The following FARP2 variants were observed in gnomAD, a reference collection of about 807,000 sequenced individuals.
FARP2 encodes the protein FERM, ARH/RhoGEF and pleckstrin domain protein 2.
In FARP2, 111 loss-of-function variants were observed where a neutral mutation model predicts 130.5. That is an observed-to-expected ratio of 0.85 (90% CI 0.73 to 1.00). The LOEUF (loss-of-function observed/expected upper bound fraction) is 1.00, where lower values mean the gene tolerates loss of function less well. FARP2 is among the 50% of genes least tolerant of loss of function. The pLI is 0.00. For synonymous variants in FARP2, 504 were observed against 516.9 expected (o/e 0.98, Z 0.34); for missense variants, 1,385 against 1,346.3 (o/e 1.03, Z -0.45).
At chr2:241,394,474 C>A (rs11690426) in intron 2 of FARP2, among the ~76,000 whole-genome samples, 56,957 of 149,604 alleles carry the variant, frequency 0.38, 11,449 homozygotes, top group Middle Eastern at 0.62. Context: ...GCCGAGATCG[C>A]GCCACTGCAC....
intron 13 of FARP2, among the ~76,000 whole-genome samples, chr2:241,450,795 C>T (rs1473971764): frequency 6.6e-6 from 1 of 152,046 alleles, no homozygotes; most frequent in Admixed American, 6.6e-5. Context: ...ACTAAAAATA[C>T]AAAACAATTA....
intron 8 of FARP2, among the ~76,000 whole-genome samples, chr2:241,418,449 C>A (rs1019214697): frequency 1.3e-5 from 2 of 152,116 alleles, no homozygotes; most frequent in South Asian, 2.1e-4. Flanking sequence ...CGGCCTACCC[C>A]CTTAGGATCC....
rs375868524 is a variant in FARP2 at position 241,465,557 on chromosome 2, T to C, written c.1893+1577T>C. ...GCACTGGGGGAAGTGAGATTTCTCT[T>C]CAATAGGAGCAACGGTACAGGTGTT... On this transcript the variant is annotated intron_variant, in intron 17 of 26. Transcript: ENST00000264042. The C allele has an allele frequency of 3.6e-4, 555 of 1,550,552 alleles. 4 individuals are homozygous for C. The South Asian group carries it at 6.2e-3, about 17-fold the overall frequency.
chr2:241,380,672 T>C (rs944089843), intron 2 of FARP2, among the ~76,000 whole-genome samples: 1 of 147,120 alleles, frequency 6.8e-6, no homozygotes, highest in Admixed American at 6.8e-5. Flanking sequence ...GATTTCAGAT[T>C]ATTATATTAT....
chr2:241,491,315 C>T (rs1026737119), intron 23 of FARP2, 136 bp downstream of exon 23: 35 of 851,034 alleles, frequency 4.1e-5, no homozygotes, highest in Admixed American at 2.1e-4. Flanking sequence ...TTCCAGGCTA[C>T]GCCTCATGCC....
chr2:241,487,921 G>T (rs899360087), intron 21 of FARP2, among the ~76,000 whole-genome samples: 4 of 151,414 alleles, frequency 2.6e-5, no homozygotes, highest in Admixed American at 6.6e-5. Flanking sequence ...CTAATTTTTT[G>T]TATTTTTTAG....
chr2:241,492,966 A>G lies in FARP2; in HGVS notation c.2825A>G (p.Asn942Ser). The change falls in exon 25 of 27, where the codon AAC (asparagine) becomes AGC (serine). Residue 942 changes from asparagine (N) to serine (S), a missense_variant. Physicochemically the swap from Asn to Ser is conservative, Grantham distance 46. Transcript: ENST00000264042. The stretch of plus-strand genomic sequence containing the variant: ...GGATATCTGCTAAGAAAGTTCAAAA[A>G]CAGTCATGGCTGGCAGAAGCTCTGG... ...LSGYLLRKFK[N>S]SHGWQKLWVV... is the part of the protein sequence containing the mutation. 6.2e-7 allele frequency: 1 copy of G among 1,613,070 alleles called. No individual in the cohort carries two copies. Among genetic ancestry groups the G allele is most frequent in the Non-Finnish European group, 8.5e-7 (1 of 1,179,072 alleles).
intron 4 of FARP2, among the ~76,000 whole-genome samples, chr2:241,406,163 AGGGGCATGGTGGGGGGCG>A (rs1259629561): frequency 6.6e-6 from 1 of 150,526 alleles, no homozygotes; most frequent in African/African-American, 2.4e-5. Flanking sequence ...AGCCGGGTGT[AGGGGCATGGTGGGGGGCG>A]CCTGTAGTCC....
chr2:241,487,668 A>C (rs746658224), intron 21 of FARP2, among the ~76,000 whole-genome samples: 7 of 107,480 alleles, frequency 6.5e-5, no homozygotes, highest in Non-Finnish European at 1.1e-4. Context: ...CTCCCTCTCA[A>C]AAAAAAAAAA....
chr2:241,477,577 A>T (rs1165290824), intron 19 of FARP2, among the ~76,000 whole-genome samples: 1 of 152,194 alleles, frequency 6.6e-6, no homozygotes, highest in Admixed American at 6.5e-5. Flanking sequence ...GTGTGGACTT[A>T]TGTTTTCAGT....
intron 7 of FARP2, among the ~76,000 whole-genome samples, chr2:241,417,027 G>T (rs529557609): frequency 6.6e-6 from 1 of 151,994 alleles, no homozygotes; most frequent in Non-Finnish European, 1.5e-5. Flanking sequence ...ATGGCCGGGC[G>T]CAGTGGCTCT....
intron 3 of FARP2, 131 bp from the exon 4 acceptor site, chr2:241,404,667 GA>G (rs1174076711): frequency 3.7e-5 from 23 of 628,382 alleles, no homozygotes; most frequent in Admixed American, 2.6e-4. Flanking sequence ...CAACCTTTAA[GA>G]GGGGGGGTAG....
At chr2:241,413,463 T>C (rs2062580845) in intron 7 of FARP2, 42 bp downstream of exon 7, 1 of 1,303,914 alleles carries the variant, frequency 7.7e-7, no homozygotes. Context: ...GTCACCACAG[T>C]AATGACTAAA....
chr2:241,487,585 T>C (rs1345609535), intron 21 of FARP2, among the ~76,000 whole-genome samples: 1 of 102,672 alleles, frequency 9.7e-6, no homozygotes, highest in East Asian at 5.0e-4. Flanking sequence ...AAGAATCACT[T>C]GAACCTGGGA....
intron 5 of FARP2, among the ~76,000 whole-genome samples, chr2:241,409,702 A>T (rs188062847): frequency 4.7e-4 from 71 of 152,370 alleles, no homozygotes; most frequent in Non-Finnish European, 9.0e-4. Flanking sequence ...CAAATGTTAT[A>T]AAACAATATC....
At chr2:241,389,777 T>G (rs1270049242) in intron 2 of FARP2, among the ~76,000 whole-genome samples, 1 of 152,226 alleles carries the variant, frequency 6.6e-6, no homozygotes, top group African/African-American at 2.4e-5. Context: ...CTTGAATACC[T>G]TTTAATATTT....
At chr2:241,386,189 C>T (rs1284351903) in intron 2 of FARP2, among the ~76,000 whole-genome samples, 1 of 152,104 alleles carries the variant, frequency 6.6e-6, no homozygotes, top group Non-Finnish European at 1.5e-5. Flanking sequence ...AACTCCAAGG[C>T]TCAAGTGATC....
At chr2:241,382,561 G>T (rs1444924749) in intron 2 of FARP2, among the ~76,000 whole-genome samples, 2 of 152,138 alleles carry the variant, frequency 1.3e-5, no homozygotes, top group Non-Finnish European at 2.9e-5. Context: ...AGGATTACAG[G>T]TGTGAGCCAC....
chr2:241,426,252 A>G (rs924144201), intron 8 of FARP2, among the ~76,000 whole-genome samples: 7 of 152,162 alleles, frequency 4.6e-5, no homozygotes, highest in Admixed American at 3.9e-4. Flanking sequence ...GACGGTGTGG[A>G]AGAGTGTTAA....
Sources: gnomAD v4.1 joint callset for allele counts (sites outside exome capture counted in the v4.1 genomes callset) on GRCh38, gnomAD v4.1.1 for gene constraint, MANE v1.5 for transcripts, NCBI Gene and HGNC (gene_info 2026-07-23, HGNC 2026-07-21) for gene names.